Variants in TRPM3 observed in about 807,000 individuals in gnomAD.
TRPM3 encodes the protein long transient receptor potential channel 3.
A neutral mutation model predicts 181.2 loss-of-function variants in TRPM3; 77 were observed. That is an observed-to-expected ratio of 0.42 (90% CI 0.35 to 0.51). The LOEUF is 0.51. TRPM3 is among the 20% of genes least tolerant of loss of function. TRPM3 has a pLI of 0.01. For missense variants in TRPM3, 1,759 were observed against 2,196.7 expected, an observed-to-expected ratio of 0.80 and a Z score of 3.98; for synonymous variants, 745 against 796.4, an observed-to-expected ratio of 0.94 and a Z score of 1.09.
At chr9:71,343,031 TG>T (rs1050151375) in intron 1 of TRPM3, among the ~76,000 whole-genome samples, 1 of 152,050 alleles carries the variant, frequency 6.6e-6, no homozygotes, top group Non-Finnish European at 1.5e-5. Flanking sequence ...TGCTTATTTT[TG>T]CCAAAGGAAA....
intron 1 of TRPM3, among the ~76,000 whole-genome samples, chr9:71,215,266 TGGA>T (rs1335956099): frequency 1.3e-5 from 2 of 152,198 alleles, no homozygotes; most frequent in Admixed American, 6.5e-5. Flanking sequence ...CGCTTATATA[TGGA>T]GGAGATGTTG....
chr9:70,915,686 T>C (rs964048861), intron 1 of TRPM3, among the ~76,000 whole-genome samples: 6 of 150,192 alleles, frequency 4.0e-5, no homozygotes, highest in African/African-American at 1.5e-4. Context: ...TGAAAATACA[T>C]GTCAGATGAG....
intron 1 of TRPM3, among the ~76,000 whole-genome samples, chr9:71,143,114 G>A (rs11794936): frequency 0.54 from 80,171 of 147,814 alleles, 24,887 homozygotes; most frequent in East Asian, 0.72. Flanking sequence ...GACAGAATGA[G>A]ACCCTATCCC....
intron 9 of TRPM3, among the ~76,000 whole-genome samples, chr9:70,651,794 C>G (rs1310910730): frequency 6.6e-6 from 1 of 151,960 alleles, no homozygotes; most frequent in African/African-American, 2.4e-5. Flanking sequence ...TTTCTTGAAG[C>G]TTTCTAGGAG....
intron 1 of TRPM3, among the ~76,000 whole-genome samples, chr9:71,402,697 G>T (rs2093364057): frequency 6.6e-6 from 1 of 152,140 alleles, no homozygotes; most frequent in Non-Finnish European, 1.5e-5. Context: ...CCTTGGTAGG[G>T]AAAATAATTA....
intron 1 of TRPM3, among the ~76,000 whole-genome samples, chr9:71,346,692 A>G (rs1394254981): frequency 6.6e-6 from 1 of 152,212 alleles, no homozygotes; most frequent in East Asian, 1.9e-4. Context: ...GAGAAAATAT[A>G]AAAATTAAGA....
At chr9:71,400,241 G>A (rs1201282622) in intron 1 of TRPM3, among the ~76,000 whole-genome samples, 1 of 152,208 alleles carries the variant, frequency 6.6e-6, no homozygotes, top group African/African-American at 2.4e-5. Context: ...GATTACAGGT[G>A]TGAGCCACCA....
At chr9:71,446,940 C>G, upstream of TRPM3, 5 of 1,178,024 alleles carry the variant, frequency 4.2e-6, no homozygotes, top group Non-Finnish European at 5.7e-6. Context: ...TCGGTTGGCG[C>G]TGCCTTTGCC....
At chr9:70,839,296 GCT>G (rs2094504337) in intron 5 of TRPM3, among the ~76,000 whole-genome samples, 1 of 152,122 alleles carries the variant, frequency 6.6e-6, no homozygotes, top group Non-Finnish European at 1.5e-5. Context: ...AAAGACAAAT[GCT>G]CTACACTTAA....
At chr9:70,797,710 A>G (rs991969528) in intron 6 of TRPM3, among the ~76,000 whole-genome samples, 1 of 151,884 alleles carries the variant, frequency 6.6e-6, no homozygotes, top group East Asian at 1.9e-4. Context: ...CTGCCCCTTT[A>G]CTCACTTGGC....
intron 1 of TRPM3, among the ~76,000 whole-genome samples, chr9:71,052,338 C>T (rs1400702373): frequency 6.6e-6 from 1 of 152,086 alleles, no homozygotes; most frequent in Non-Finnish European, 1.5e-5. Flanking sequence ...ATCTTGAAAA[C>T]CCACGAAGGA....
intron 9 of TRPM3, among the ~76,000 whole-genome samples, chr9:70,645,358 G>GATAT (rs200321632): frequency 6.6e-6 from 1 of 152,016 alleles, no homozygotes; most frequent in Non-Finnish European, 1.5e-5. Context: ...TACCAAAACA[G>GATAT]ATATATATAT....
At chr9:70,587,186 G>A (rs866668702) in intron 22 of TRPM3, among the ~76,000 whole-genome samples, 3 of 152,270 alleles carry the variant, frequency 2.0e-5, no homozygotes, top group Non-Finnish European at 4.4e-5. Context: ...TGAATGGAAA[G>A]GGCTAGATAA....
At chr9:71,157,056 C>T (rs72731800) in intron 1 of TRPM3, among the ~76,000 whole-genome samples, 14,531 of 152,166 alleles carry the variant, frequency 0.095, 811 homozygotes, top group African/African-American at 0.15. Context: ...GCCTCCTTCC[C>T]ACACACATGG....
At chr9:70,910,729 G>T (rs2096529435) in intron 1 of TRPM3, among the ~76,000 whole-genome samples, 1 of 152,084 alleles carries the variant, frequency 6.6e-6, no homozygotes, top group South Asian at 2.1e-4. Context: ...GCAGCTAAAA[G>T]CACTTACTAT....
chr9:71,175,699 T>C (rs1340080661), intron 1 of TRPM3, among the ~76,000 whole-genome samples: 1 of 152,116 alleles, frequency 6.6e-6, no homozygotes, highest in Non-Finnish European at 1.5e-5. Context: ...TCGCATAGGT[T>C]TTCAACATGG....
intron 1 of TRPM3, among the ~76,000 whole-genome samples, chr9:71,090,110 G>A (rs898427684): frequency 1.1e-4 from 16 of 152,156 alleles, no homozygotes; most frequent in African/African-American, 3.1e-4. Flanking sequence ...ATAGGGCAGG[G>A]GCGGTGTCTG....
intron 1 of TRPM3, among the ~76,000 whole-genome samples, chr9:71,337,785 A>G (rs545486052): frequency 1.4e-4 from 22 of 152,230 alleles, no homozygotes; most frequent in African/African-American, 5.3e-4. Flanking sequence ...CTTTGCAGGG[A>G]TATGGATGAA....
At chr9:70,697,066 C>T (rs540440831) in intron 8 of TRPM3, among the ~76,000 whole-genome samples, 7 of 152,200 alleles carry the variant, frequency 4.6e-5, no homozygotes, top group Non-Finnish European at 8.8e-5. Flanking sequence ...AGAAGCAAAG[C>T]AGCGTCCTTT....
Sources: allele counts gnomAD v4.1 joint callset (sites outside exome capture counted in the v4.1 genomes callset), GRCh38; gene constraint gnomAD v4.1.1; transcripts MANE v1.5; gene names NCBI Gene and HGNC (gene_info 2026-07-23, HGNC 2026-07-21).